Variants in CYB561D1 observed in about 807,000 individuals in gnomAD.
The protein encoded by CYB561D1 is cytochrome b561 family member D1, also known as probable transmembrane reductase CYB561D1.
Under a neutral mutation model 19.2 loss-of-function variants are expected in CYB561D1, and 15 were observed. That is an observed-to-expected ratio of 0.78 (90% CI 0.52 to 1.20). CYB561D1 has a LOEUF of 1.20. Among genes scored for constraint, CYB561D1 ranks in the 50% most tolerant of loss-of-function variants. The pLI is 0.00. For synonymous variants in CYB561D1, 133 were observed against 120.6 expected (o/e 1.10, Z -0.68); for missense variants, 297 against 287.3 (o/e 1.03, Z -0.24).
intron 1 of CYB561D1, 61 bp from the exon 2 acceptor site, chr1:109,495,082 C>G: frequency 1.3e-6 from 2 of 1,581,388 alleles, no homozygotes; most frequent in East Asian, 4.5e-5. Context: ...TTGGGTTCCA[C>G]CTAGCTACAG....
In CYB561D1 at chr1:109,498,983, A is replaced by T. The variant is rs1241898850; in HGVS notation, c.*2724A>T. ...TATATTCCAAATTTGATTATATTCC[A>T]AATTTGATTATATTCAGATTCAACC... is the stretch of plus-strand genomic sequence containing the variant. On this transcript the variant is annotated 3_prime_UTR_variant, in exon 3 of 3. Transcript: ENST00000420578. 1 of 149,858 alleles carries T rather than the reference A, an allele frequency of 6.7e-6. No homozygotes were observed. Among genetic ancestry groups the T allele is most frequent in the Non-Finnish European group, 1.5e-5 (1 of 68,008 alleles). 9.3% of individuals were successfully genotyped at this position (149,858 alleles called of 1,614,324 possible).
intron 1 of CYB561D1, among the ~76,000 whole-genome samples, chr1:109,494,801 C>CA (rs541643594): frequency 1.1e-4 from 16 of 151,750 alleles, no homozygotes; most frequent in Admixed American, 3.9e-4. Context: ...TGCACCACTG[C>CA]ACTCCACCCT....
rs995939657 is a variant in CYB561D1 at position 109,494,540 on chromosome 1, G to A, written c.148+253G>A. 188 of 1,493,634 alleles carry A rather than the reference G, an allele frequency of 1.3e-4. No individual in the cohort carries two copies. Among genetic ancestry groups the A allele is most frequent in the Non-Finnish European group, 1.6e-4 (180 of 1,110,520 alleles). 92.5% of individuals were successfully genotyped at this position (1,493,634 alleles called of 1,614,324 possible). A position where few individuals can be genotyped will look rare whatever the true frequency, so the allele number is the denominator to read the frequency against. On this transcript the variant is annotated intron_variant, in intron 1 of 2. Coordinates refer to ENST00000420578, the MANE Select transcript of CYB561D1 (RefSeq NM_182580.3). ...CTCAGAAACAGGTCCCCTGATGGAG[G>A]ATAGAAGTGAAGGAGGCCGGGCGCG... is the stretch of plus-strand genomic sequence containing the variant.
At position 109,495,638 on chromosome 1, in the gene CYB561D1, G is replaced by A. The variant is rs574942131; in HGVS notation, c.187-118G>A. On this transcript the variant is annotated intron_variant, in intron 2 of 2. Transcript: ENST00000420578. ...TTGAGCTGTGAGGCTGGTGGTCCTG[G>A]TTGAACTTATTTAACCCTTACCCTT... The A allele has an allele frequency of 6.4e-6, 10 of 1,563,814 alleles. No homozygotes were observed. In the South Asian group the frequency reaches 1.2e-4, roughly 19 times the overall value.
chr1:109,496,031 C>T lies in CYB561D1; in HGVS notation c.462C>T (p.Ala154=). The change falls in exon 3 of 3, where the codon GCC becomes GCT. Residue 154 remains alanine, a synonymous_variant. Transcript: ENST00000420578. The part of the protein sequence containing the change: ...CGLCLLCPRA[A]RVSRVARLKL... Reference sequence around the variant, plus strand: ...TCTGCCTCCTTTGTCCCCGGGCAGCCAGGGTCTCAAGGGTGGCTCGCCTCA... The same window carrying T: ...TCTGCCTCCTTTGTCCCCGGGCAGCTAGGGTCTCAAGGGTGGCTCGCCTCA... 1 of 1,610,030 alleles carries T rather than the reference C, an allele frequency of 6.2e-7. No individual in the cohort carries two copies. Among genetic ancestry groups the T allele is most frequent in the Non-Finnish European group, 8.5e-7 (1 of 1,176,746 alleles).
chr1:109,496,121 C>T lies in CYB561D1; in HGVS notation c.552C>T (p.Gly184=). The T allele has an allele frequency of 1.9e-6, 3 of 1,614,208 alleles. No individual in the cohort carries two copies. Among genetic ancestry groups the T allele is most frequent in the Non-Finnish European group, 2.5e-6 (3 of 1,180,026 alleles). ...YLMATVTVLL[G]MYSVWFQAQI... ...TGGCTACAGTAACGGTGCTTCTGGG[C>T]ATGTACTCAGTATGGTTCCAGGCCC... Residue 184 remains glycine (G), a synonymous_variant, in exon 3 of 3, where the codon GGC becomes GGT. Coordinates refer to ENST00000420578, the MANE Select transcript of CYB561D1 (RefSeq NM_182580.3).
rs1337361248 is a variant in CYB561D1 at position 109,494,462 on chromosome 1, G to T, written c.148+175G>T. 9.0e-6 allele frequency: 14 copies of T among 1,548,356 alleles called. No homozygotes were observed. In the South Asian group the frequency reaches 1.6e-4, roughly 17 times the overall value. On this transcript the variant is annotated intron_variant, in intron 1 of 2. Coordinates refer to ENST00000420578, the MANE Select transcript of CYB561D1 (RefSeq NM_182580.3). ...GGCCCCAGGGATCCTGGAATAATGG[G>T]GTTTTGGGTGCTGTGGGGGAAGGGC...
At chr1:109,495,660 C>T in intron 2 of CYB561D1, 96 bp from the exon 3 acceptor site, 1 of 1,603,946 alleles carries the variant, frequency 6.2e-7, no homozygotes, top group South Asian at 1.1e-5. Context: ...TAACCCTTAC[C>T]CTTTGTCCTC....
rs1366527611 is a variant in CYB561D1, at chr1:109,496,249, T to A, written c.680T>A (p.Met227Lys). ...ISRSYLPRKK[M>K]EM ...AGATCCTACTTGCCGAGGAAGAAAA[T>A]GGAAATGTGAGTTCCTGCGAACGCT... is the stretch of plus-strand genomic sequence containing the variant. Residue 227 changes from methionine to lysine, a missense_variant, in exon 3 of 3, where the codon ATG becomes AAG. Physicochemically the swap from Met to Lys is moderately conservative, Grantham distance 95. Coordinates refer to ENST00000420578, the MANE Select transcript of CYB561D1 (RefSeq NM_182580.3). 2 of 1,573,724 alleles carry A rather than the reference T, an allele frequency of 1.3e-6. No homozygotes were observed. Among genetic ancestry groups the A allele is most frequent in the South Asian group, 2.3e-5 (2 of 87,504 alleles).
chr1:109,496,310 T>G lies in CYB561D1; in HGVS notation c.*51T>G. On this transcript the variant is annotated 3_prime_UTR_variant, in exon 3 of 3. Transcript: ENST00000420578. ...GGGACGCTTGCCTTGAACATCATGGTTCCTTTGGTGATCTATAAGGGATCT... is the reference window on the plus strand; with the variant it reads ...GGGACGCTTGCCTTGAACATCATGGGTCCTTTGGTGATCTATAAGGGATCT... 1 of 1,519,190 alleles carries G rather than the reference T, an allele frequency of 6.6e-7. No homozygotes were observed. Among genetic ancestry groups the G allele is most frequent in the South Asian group, 1.3e-5 (1 of 76,462 alleles). 94.1% of individuals were successfully genotyped at this position (1,519,190 alleles called of 1,614,324 possible). A position where few individuals can be genotyped will look rare whatever the true frequency, so the allele number is the denominator to read the frequency against.
chr1:109,496,235 G>A lies in CYB561D1; in HGVS notation c.666G>A (p.Leu222=). The A allele has an allele frequency of 3.2e-6, 5 of 1,576,166 alleles. No homozygotes were observed. The highest frequency in any genetic ancestry group is 3.5e-6 in the Non-Finnish European group (4 of 1,154,612). ...TGCACCAGATTTCCAGATCCTACTT[G>A]CCGAGGAAGAAAATGGAAATGTGAG... ...VIMHQISRSY[L]PRKKMEM is the part of the protein sequence containing the mutation. Residue 222 remains leucine (L), a synonymous_variant, in exon 3 of 3, where the codon TTG becomes TTA. Coordinates refer to ENST00000420578, the MANE Select transcript of CYB561D1 (RefSeq NM_182580.3).
Position 109,497,635 on chromosome 1 carries a change from A to G in CYB561D1, c.*1376A>G, listed in dbSNP as rs1459286842. The G allele has an allele frequency of 6.6e-6, 1 of 152,282 alleles. No homozygotes were observed. The highest frequency in any genetic ancestry group is 2.1e-4 in the South Asian group (1 of 4,830). The allele number at this position is 152,282 out of a possible 1,614,324, so 9.4% of individuals were successfully genotyped here. On this transcript the variant is annotated 3_prime_UTR_variant, in exon 3 of 3. Transcript: ENST00000420578. Reference sequence around the variant, plus strand: ...GGCCTGACAACAGCTGAGCCAGGAAAGTGCTGCTGAGGCAAGTCGACATAG... The same window carrying G: ...GGCCTGACAACAGCTGAGCCAGGAAGGTGCTGCTGAGGCAAGTCGACATAG...
chr1:109,494,337 A>C, intron 1 of CYB561D1, 50 bp downstream of exon 1: 1 of 1,531,720 alleles, frequency 6.5e-7, no homozygotes, highest in Non-Finnish European at 8.8e-7. Context: ...GAGATGCTGG[A>C]GGGGCAGCGC....
In CYB561D1 at chr1:109,495,809, G is replaced by A. The variant is rs1373400172; in HGVS notation, c.240G>A (p.Leu80=). 1 of 1,613,954 alleles carries A rather than the reference G, an allele frequency of 6.2e-7. No individual in the cohort carries two copies. Among genetic ancestry groups the A allele is most frequent in the Non-Finnish European group, 8.5e-7 (1 of 1,180,058 alleles). ...TACTCTTCTCACCTGAACACTCCCT[G>A]TTCTTCTTCTGCTCCCGAAAAGCAC... ...AILLFSPEHS[L]FFFCSRKARI... The change falls in exon 3 of 3, where the codon CTG becomes CTA. Residue 80 remains leucine, a synonymous_variant. Coordinates refer to ENST00000420578, the MANE Select transcript of CYB561D1 (RefSeq NM_182580.3).
At position 109,495,980 on chromosome 1, in the gene CYB561D1, C is replaced by T. The variant is rs116224689; in HGVS notation, c.411C>T (p.Ala137=). 1.9e-4 allele frequency: 306 copies of T among 1,611,070 alleles called. 1 individual carries two copies. In the African/African-American group the frequency reaches 3.5e-3, roughly 19 times the overall value. The change falls in exon 3 of 3, where the codon GCC becomes GCT. Residue 137 remains alanine, a synonymous_variant. Coordinates refer to ENST00000420578, the MANE Select transcript of CYB561D1 (RefSeq NM_182580.3). ...HSWVGALTLL[A]TAVQALCGLC... Reference sequence around the variant, plus strand: ...GGGTGGGAGCCCTGACACTGCTGGCCACTGCTGTCCAGGCACTGTGTGGGC... The same window carrying T: ...GGGTGGGAGCCCTGACACTGCTGGCTACTGCTGTCCAGGCACTGTGTGGGC...
chr1:109,495,631 G>T, intron 2 of CYB561D1, 125 bp from the exon 3 acceptor site: 1 of 1,544,324 alleles, frequency 6.5e-7, no homozygotes, highest in South Asian at 1.2e-5. Context: ...TGAGGCTGGT[G>T]GTCCTGGTTG....
Position 109,497,984 on chromosome 1 carries a change from C to G in CYB561D1, c.*1725C>G, listed in dbSNP as rs1038465247. 6.6e-6 allele frequency: 1 copy of G among 152,250 alleles called. No individual in the cohort carries two copies. The highest frequency in any genetic ancestry group is 1.9e-4 in the East Asian group (1 of 5,200). The allele number at this position is 152,250 out of a possible 1,614,324, so 9.4% of individuals were successfully genotyped here. A position where few individuals can be genotyped will look rare whatever the true frequency, so the allele number is the denominator to read the frequency against. ...GTTCCTGTCTCTTTCATTGTCCTCCCTCCTCTCAAACTCTCCAGTGTGGTG... is the reference window on the plus strand; with the variant it reads ...GTTCCTGTCTCTTTCATTGTCCTCCGTCCTCTCAAACTCTCCAGTGTGGTG... On this transcript the variant is annotated 3_prime_UTR_variant, in exon 3 of 3. Coordinates refer to ENST00000420578, the MANE Select transcript of CYB561D1 (RefSeq NM_182580.3).
chr1:109,494,200 T>C lies in CYB561D1; in HGVS notation c.61T>C (p.Trp21Arg). ...AGCTGGGGAGCCGAGACTGACCCGCTGGCTGCGGAGAGGCAGTGGGATCTT... is the reference window on the plus strand; with the variant it reads ...AGCTGGGGAGCCGAGACTGACCCGCCGGCTGCGGAGAGGCAGTGGGATCTT... ...APAGEPRLTR[W>R]LRRGSGILAH... Residue 21 changes from tryptophan (W) to arginine (R), a missense_variant, in exon 1 of 3, where the codon TGG (tryptophan) becomes CGG (arginine). Physicochemically the swap from Trp to Arg is moderately radical, Grantham distance 101 (BLOSUM62 -3). Coordinates refer to ENST00000420578, the MANE Select transcript of CYB561D1 (RefSeq NM_182580.3). The C allele has an allele frequency of 6.4e-7, 1 of 1,560,346 alleles. No individual in the cohort carries two copies. Among genetic ancestry groups the C allele is most frequent in the Non-Finnish European group, 8.7e-7 (1 of 1,151,886 alleles).
chr1:109,495,596 A>G (rs1657481068), intron 2 of CYB561D1, 160 bp from the exon 3 acceptor site: 1 of 1,428,782 alleles, frequency 7.0e-7, no homozygotes, highest in Non-Finnish European at 9.4e-7. Flanking sequence ...GCTGATTCCC[A>G]AATGTTCCCA....
Sources: allele counts gnomAD v4.1 joint callset (sites outside exome capture counted in the v4.1 genomes callset), GRCh38; gene constraint gnomAD v4.1.1; transcripts MANE v1.5; gene names NCBI Gene and HGNC (gene_info 2026-07-23, HGNC 2026-07-21).